Variants in BRWD3 observed in about 807,000 individuals in gnomAD.
BRWD3 encodes bromodomain and WD repeat-containing protein 3.
In BRWD3, 10 loss-of-function variants were observed where a neutral mutation model predicts 149.7. The ratio of observed to expected loss-of-function variants is 0.07; its 90% confidence interval spans 0.04 to 0.11. The LOEUF is 0.11. Ranked by LOEUF, BRWD3 falls within the 10% of genes least tolerant of loss-of-function variation. The pLI is 1.00. For missense variants in BRWD3, 940 were observed against 1,373.2 expected, an observed-to-expected ratio of 0.68 and a Z score of 4.99; for synonymous variants, 504 against 456.7, an observed-to-expected ratio of 1.10 and a Z score of -1.32.
chrX:80,703,462 A>G lies in BRWD3; in HGVS notation c.2835+18T>C, dbSNP rs2072819325. On this transcript the variant is annotated intron_variant, in intron 24 of 40. Coordinates refer to ENST00000373275, the MANE Select transcript of BRWD3 (RefSeq NM_153252.5). ...TCTTGAGGCTCCACAGAAAAAGGTT[A>G]TAACAGGTAATAATTACCTCATCTC... 2 of 1,108,114 alleles carry G rather than the reference A, an allele frequency of 1.8e-6. No individual in the cohort carries two copies. Among genetic ancestry groups the G allele is most frequent in the Non-Finnish European group, 2.5e-6 (2 of 808,596 alleles). The allele number at this position is 1,108,114 out of a possible 1,213,427, so 91.3% of individuals were successfully genotyped here.
In BRWD3 at chrX:80,682,066, A is replaced by G. The variant is rs766293361; in HGVS notation, c.4426T>C (p.Leu1476=). ...GTATTCTGGTCATTTTTAGGCTGCAACTTCATTTGTTTCTGCTTCCCTTTT... is the reference window on the plus strand; with the variant it reads ...GTATTCTGGTCATTTTTAGGCTGCAGCTTCATTTGTTTCTGCTTCCCTTTT... ...SPKGKQKQMK[L]QPKNDQNTSV... The change falls in exon 39 of 41, where the codon TTG becomes CTG. Residue 1476 remains leucine (L), a synonymous_variant. Coordinates refer to ENST00000373275, the MANE Select transcript of BRWD3 (RefSeq NM_153252.5). 19 of 1,207,525 alleles carry G rather than the reference A, an allele frequency of 1.6e-5. No homozygotes were observed. Among genetic ancestry groups the G allele is most frequent in the Non-Finnish European group, 2.1e-5 (19 of 893,709 alleles).
chrX:80,793,476 C>G, intron 5 of BRWD3, 146 bp downstream of exon 5: 1 of 604,544 alleles, frequency 1.7e-6, no homozygotes, highest in Non-Finnish European at 2.5e-6. Flanking sequence ...TAAAAATTTA[C>G]TTGTACACTA....
In BRWD3 at chrX:80,726,755, G is replaced by T. The variant is rs777877919; in HGVS notation, c.1387-1688C>A. Among the ~76,000 whole-genome samples the T allele has an allele frequency of 1.4e-4, 15 of 110,989 alleles. No homozygotes were observed. In the South Asian group the frequency reaches 4.1e-3, roughly 30 times the overall value. On this transcript the variant is annotated intron_variant, in intron 14 of 40. Transcript: ENST00000373275. The stretch of plus-strand genomic sequence containing the variant: ...ATATAACTTTAGACTGGCTCAAAAT[G>T]TAGTGTTAAGATTAGTAGGAAAAAT...
At chrX:80,726,316 A>G (rs2073245348) in intron 14 of BRWD3, among the ~76,000 whole-genome samples, 1 of 102,745 alleles carries the variant, frequency 9.7e-6, no homozygotes, top group Non-Finnish European at 2.0e-5. Context: ...TTATGTCTGT[A>G]TAACATATAA....
At chrX:80,791,036 C>T (rs1245515364) in intron 6 of BRWD3, among the ~76,000 whole-genome samples, 2 of 111,907 alleles carry the variant, frequency 1.8e-5, no homozygotes, top group Non-Finnish European at 3.8e-5. Flanking sequence ...TATGTCTAAT[C>T]AATGATTTTG....
chrX:80,699,488 T>A (rs1228711880), intron 25 of BRWD3, among the ~76,000 whole-genome samples: 1 of 111,553 alleles, frequency 9.0e-6, no homozygotes, highest in Non-Finnish European at 1.9e-5. Context: ...TCATTCTCCA[T>A]AAAATATGGA....
intron 8 of BRWD3, 34 bp downstream of exon 8, chrX:80,743,998 A>G: frequency 9.0e-7 from 1 of 1,105,133 alleles, no homozygotes; most frequent in East Asian, 3.0e-5. Context: ...CCTTTTTTAC[A>G]TATGTTCAAG....
rs758868273 is a variant in BRWD3, at chrX:80,729,987, C to G, written c.1161G>C (p.Thr387=). 8.3e-7 allele frequency: 1 copy of G among 1,201,459 alleles called. No individual in the cohort carries two copies. The highest frequency in any genetic ancestry group is 1.1e-6 in the Non-Finnish European group (1 of 886,665). The stretch of plus-strand genomic sequence containing the variant: ...GTTGCTGATACTGCCAAATTCTTGC[C>G]GTTCCATCTCGACTTCCACTAACAA... ...LRFVSGSRDG[T]ARIWQYQQQE... is the part of the protein sequence containing the mutation. Residue 387 remains threonine, a synonymous_variant, in exon 13 of 41, where the codon ACG becomes ACC. Transcript: ENST00000373275.
rs183536944 is a variant in BRWD3, at chrX:80,749,946, A to C, written c.431-4217T>G. On this transcript the variant is annotated intron_variant, in intron 6 of 40. Transcript: ENST00000373275. ...GTCCAGAAATTCACCCAAGCATTTAAAATAAAACAATATTCAACATAGATT... is the reference window on the plus strand; with the variant it reads ...GTCCAGAAATTCACCCAAGCATTTACAATAAAACAATATTCAACATAGATT... Among the ~76,000 whole-genome samples the C allele has an allele frequency of 2.4e-3, 270 of 111,798 alleles. 1 individual carries two copies. The highest frequency in any genetic ancestry group is 8.4e-3 in the African/African-American group (260 of 30,807).
chrX:80,751,601 C>T (rs1054301888), intron 6 of BRWD3, among the ~76,000 whole-genome samples: 10 of 111,724 alleles, frequency 9.0e-5, no homozygotes, highest in Non-Finnish European at 1.7e-4. Flanking sequence ...GCTATGTGTG[C>T]AATTTTGTTA....
Position 80,670,804 on chromosome X carries a change from A to C in BRWD3, c.*5805T>G, listed in dbSNP as rs1218640747. The C allele has an allele frequency of 1.3e-4, 15 of 111,345 alleles. No individual in the cohort carries two copies. The Admixed American group carries it at 1.4e-3, about 11-fold the overall frequency. 9.2% of individuals were successfully genotyped at this position (111,345 alleles called of 1,213,427 possible). On this transcript the variant is annotated 3_prime_UTR_variant, in exon 41 of 41. Transcript: ENST00000373275. Reference sequence around the variant, plus strand: ...ATTAAGCAACTAAACAAAAATACCAAACAACTTATCTCCACTTCAATCTCT... The same window carrying C: ...ATTAAGCAACTAAACAAAAATACCACACAACTTATCTCCACTTCAATCTCT...
Position 80,719,666 on chromosome X carries a change from A to T in BRWD3, c.1877-10T>A, listed in dbSNP as rs2073117140. 8.3e-7 allele frequency: 1 copy of T among 1,209,086 alleles called. No individual in the cohort carries two copies. Among genetic ancestry groups the T allele is most frequent in the Non-Finnish European group, 1.1e-6 (1 of 893,701 alleles). On this transcript the variant is annotated splice_polypyrimidine_tract_variant and intron_variant, in intron 17 of 40. Coordinates refer to ENST00000373275, the MANE Select transcript of BRWD3 (RefSeq NM_153252.5). The stretch of plus-strand genomic sequence containing the variant: ...ACTACCTCACCATCACCTTAATAAG[A>T]CCAGATACAAAGCCACAAAATTACT...
At chrX:80,800,228 A>G (rs939358064) in intron 4 of BRWD3, among the ~76,000 whole-genome samples, 3 of 106,774 alleles carry the variant, frequency 2.8e-5, no homozygotes, top group African/African-American at 6.8e-5. Context: ...CTAGTGCATA[A>G]TATCTCCTTA....
chrX:80,808,848 G>A (rs762169552), intron 3 of BRWD3, among the ~76,000 whole-genome samples, 165 bp downstream of exon 3: 1 of 107,480 alleles, frequency 9.3e-6, no homozygotes, highest in African/African-American at 3.4e-5. Context: ...AGACCCCAGC[G>A]TTGTCTGCCC....
In BRWD3 at chrX:80,809,423, C is replaced by T. The variant is rs1227396794; in HGVS notation, c.31+18G>A. On this transcript the variant is annotated intron_variant, in intron 1 of 40. Coordinates refer to ENST00000373275, the MANE Select transcript of BRWD3 (RefSeq NM_153252.5). The stretch of plus-strand genomic sequence containing the variant: ...CCATTCCCTTAGCACCCCCCCACCC[C>T]CCGACACAGCTACCCACCGGCTTCG... 1 of 1,161,397 alleles carries T rather than the reference C, an allele frequency of 8.6e-7. No homozygotes were observed.
intron 37 of BRWD3, 33 bp from the exon 38 acceptor site, chrX:80,682,661 G>A (rs745411124): frequency 1.2e-5 from 14 of 1,171,488 alleles, no homozygotes; most frequent in Non-Finnish European, 1.6e-5. Flanking sequence ...GTCTTAACTA[G>A]TTTTATATTT....
intron 17 of BRWD3, among the ~76,000 whole-genome samples, chrX:80,719,949 A>G (rs986741823): frequency 3.6e-5 from 4 of 111,384 alleles, no homozygotes; most frequent in Middle Eastern, 4.2e-3. Context: ...ATACGACGGT[A>G]GTCTCATAAG....
chrX:80,703,745 C>T lies in BRWD3; in HGVS notation c.2722-152G>A, dbSNP rs56387795. On this transcript the variant is annotated intron_variant, in intron 23 of 40. Coordinates refer to ENST00000373275, the MANE Select transcript of BRWD3 (RefSeq NM_153252.5). Reference sequence around the variant, plus strand: ...AAGTATATAAATTTGAATGATTTTGCTTTATTATATACAATTTTTCTGCCA... The same window carrying T: ...AAGTATATAAATTTGAATGATTTTGTTTTATTATATACAATTTTTCTGCCA... The T allele has an allele frequency of 0.1, 41,070 of 411,008 alleles. 1,679 individuals carry two copies. The highest frequency in any genetic ancestry group is 0.18 in the South Asian group (3,312 of 18,062). The allele number at this position is 411,008 out of a possible 1,213,427, so 33.9% of individuals were successfully genotyped here. A position where few individuals can be genotyped will look rare whatever the true frequency, so the allele number is the denominator to read the frequency against.
At position 80,752,788 on chromosome X, in the gene BRWD3, C is replaced by T. The variant is rs778605308; in HGVS notation, c.431-7059G>A. 2.7e-5 allele frequency among the ~76,000 whole-genome samples: 3 copies of T among 110,986 alleles called. No homozygotes were observed. In the East Asian group the frequency reaches 8.6e-4, roughly 32 times the overall value. ...AGGTTCAGGCTCCTGCCTTAGCCTC[C>T]TGAGTAGCTGGGATTACAGGTGCCC... On this transcript the variant is annotated intron_variant, in intron 6 of 40. Coordinates refer to ENST00000373275, the MANE Select transcript of BRWD3 (RefSeq NM_153252.5).
Sources: allele counts gnomAD v4.1 joint callset (sites outside exome capture counted in the v4.1 genomes callset), GRCh38; gene constraint gnomAD v4.1.1; transcripts MANE v1.5; gene names NCBI Gene and HGNC (gene_info 2026-07-23, HGNC 2026-07-21).